The following CTNNA3 variants were observed in gnomAD, a reference collection of about 807,000 sequenced individuals.
CTNNA3 encodes the protein catenin alpha 3, also known as catenin alpha-3.
A neutral mutation model predicts 95.7 loss-of-function variants in CTNNA3; 76 were observed. The ratio of observed to expected loss-of-function variants is 0.79; its 90% CI spans 0.66 to 0.96. The LOEUF (loss-of-function observed/expected upper bound fraction) is 0.96, where lower values mean the gene tolerates loss of function less well. Among genes scored for constraint, CTNNA3 ranks in the 40% least tolerant of loss-of-function variants. The probability of loss-of-function intolerance (pLI) is 0.00; values close to 1 mark genes in which losing one functional copy is unlikely to be tolerated. For synonymous variants in CTNNA3, 431 were observed against 374.4 expected (o/e 1.15, Z -1.74); for missense variants, 1,191 against 1,089.8 (o/e 1.09, Z -1.31).
At chr10:67,726,429 T>TTTGGC (rs1841220510) in intron 1 of CTNNA3, among the ~76,000 whole-genome samples, 1 of 5,086 alleles carries the variant, frequency 2.0e-4, no homozygotes, top group Non-Finnish European at 3.4e-4. Flanking sequence ...TTATATATTA[T>TTTGGC]ATCATATATA....
At chr10:67,347,511 C>T (rs577290452) in intron 5 of CTNNA3, among the ~76,000 whole-genome samples, 9 of 152,068 alleles carry the variant, frequency 5.9e-5, no homozygotes, top group South Asian at 4.1e-4. Flanking sequence ...CACTCTGTGC[C>T]GTGTACTACT....
intron 7 of CTNNA3, among the ~76,000 whole-genome samples, chr10:67,048,406 C>T (rs894583485): frequency 1.3e-5 from 2 of 152,050 alleles, no homozygotes; most frequent in Non-Finnish European, 2.9e-5. Context: ...CCAAGGAAAC[C>T]TCTTACTGTT....
chr10:66,277,631 C>T (rs907046660), intron 13 of CTNNA3, among the ~76,000 whole-genome samples: 12 of 151,970 alleles, frequency 7.9e-5, no homozygotes, highest in Admixed American at 3.9e-4. Flanking sequence ...CGATTAAGTC[C>T]ATAAGTTTAT....
intron 10 of CTNNA3, among the ~76,000 whole-genome samples, chr10:66,579,298 T>G (rs1435945909): frequency 2.0e-5 from 3 of 151,848 alleles, no homozygotes; most frequent in Non-Finnish European, 4.4e-5. Flanking sequence ...ATAGCTCAGT[T>G]GCATTACAAA....
At chr10:67,074,330 GC>G (rs903304760) in intron 7 of CTNNA3, among the ~76,000 whole-genome samples, 1 of 131,662 alleles carries the variant, frequency 7.6e-6, no homozygotes, top group Non-Finnish European at 1.6e-5. Flanking sequence ...GTGCCCAGCT[GC>G]CACTTTAACT....
intron 7 of CTNNA3, among the ~76,000 whole-genome samples, chr10:67,067,249 G>C (rs1186704803): frequency 6.6e-6 from 1 of 152,076 alleles, no homozygotes; most frequent in African/African-American, 2.4e-5. Context: ...TTATATATTT[G>C]TCTGTTCGTA....
At chr10:67,048,486 T>C (rs1229365622) in intron 7 of CTNNA3, among the ~76,000 whole-genome samples, 1 of 152,042 alleles carries the variant, frequency 6.6e-6, no homozygotes, top group African/African-American at 2.4e-5. Flanking sequence ...ATATGCAAAA[T>C]AGGAATACAG....
intron 16 of CTNNA3, among the ~76,000 whole-genome samples, chr10:65,974,811 T>C (rs2078180605): frequency 6.6e-6 from 1 of 152,140 alleles, no homozygotes; most frequent in Non-Finnish European, 1.5e-5. Flanking sequence ...AAGAAATATA[T>C]GACAATCATC....
chr10:66,685,206 C>CACATATATATATACGT (rs547429895), intron 9 of CTNNA3, among the ~76,000 whole-genome samples: 2 of 116,898 alleles, frequency 1.7e-5, no homozygotes, highest in South Asian at 5.7e-4. Flanking sequence ...TATATATATA[C>CACATATATATATACGT]GTATATATAT....
At chr10:67,006,171 A>G (rs138989770) in intron 7 of CTNNA3, among the ~76,000 whole-genome samples, 120 of 152,280 alleles carry the variant, frequency 7.9e-4, no homozygotes, top group African/African-American at 2.8e-3. Flanking sequence ...GCTGAGTTGC[A>G]TAAAGTGAAG....
intron 9 of CTNNA3, among the ~76,000 whole-genome samples, chr10:66,675,039 C>A (rs7909676): frequency 0.55 from 84,066 of 151,810 alleles, 24,002 homozygotes; most frequent in African/African-American, 0.68. Flanking sequence ...TAGAGGGCCT[C>A]TTGTGTGATT....
rs376062146 is a variant in CTNNA3, at chr10:67,155,730, T to G, written c.1047+24587A>C. 5.0e-3 allele frequency among the ~76,000 whole-genome samples: 766 copies of G among 152,292 alleles called. 4 individuals carry two copies. Among genetic ancestry groups the G allele is most frequent in the African/African-American group, 0.017 (727 of 41,566 alleles). On this transcript the variant is annotated intron_variant, in intron 7 of 17. Transcript: ENST00000433211. Reference sequence around the variant, plus strand: ...TTTTCTAGCATAAAGTAAAACTTACTAAGTTTGGCATCCTGCATTGGTGGT... The same window carrying G: ...TTTTCTAGCATAAAGTAAAACTTACGAAGTTTGGCATCCTGCATTGGTGGT...
At chr10:66,235,654 A>C (rs1345893997) in intron 13 of CTNNA3, among the ~76,000 whole-genome samples, 1 of 152,124 alleles carries the variant, frequency 6.6e-6, no homozygotes. Context: ...TAGTTTGGTC[A>C]CATATTTAGT....
chr10:66,442,611 A>G (rs572925056), intron 11 of CTNNA3, among the ~76,000 whole-genome samples: 1 of 152,324 alleles, frequency 6.6e-6, no homozygotes, highest in African/African-American at 2.4e-5. Flanking sequence ...TAGAAAAAAA[A>G]TAGCTTTATT....
At chr10:66,491,619 C>T (rs1464537526) in intron 11 of CTNNA3, among the ~76,000 whole-genome samples, 3 of 152,124 alleles carry the variant, frequency 2.0e-5, no homozygotes, top group Non-Finnish European at 2.9e-5. Context: ...CTTTTGCCTG[C>T]TCTTTTGGTA....
At chr10:66,740,763 T>C (rs1021111574) in intron 9 of CTNNA3, among the ~76,000 whole-genome samples, 1 of 152,240 alleles carries the variant, frequency 6.6e-6, no homozygotes, top group African/African-American at 2.4e-5. Flanking sequence ...ATAAGTATGA[T>C]TAAATTCCAC....
chr10:66,346,268 GAGAGAGAGAGAGAGAGAGAA>G (rs1564885708), intron 12 of CTNNA3, among the ~76,000 whole-genome samples: 16 of 135,048 alleles, frequency 1.2e-4, no homozygotes, highest in African/African-American at 3.7e-4. Flanking sequence ...GAGAGAGAGA[GAGAGAGAGAGAGAGAGAGAA>G]AGAGAGACAG....
In CTNNA3 at chr10:67,446,166, G is replaced by A. The variant is rs12266867; in HGVS notation, c.579+75676C>T. Reference sequence around the variant, plus strand: ...GTATTTTGAACCGAATCAGTCATTTGTGAGCTTTGTACATCTCCTCATTTA... The same window carrying A: ...GTATTTTGAACCGAATCAGTCATTTATGAGCTTTGTACATCTCCTCATTTA... On this transcript the variant is annotated intron_variant, in intron 5 of 17. Transcript: ENST00000433211. Among the ~76,000 whole-genome samples the A allele has an allele frequency of 6.8e-3, 1,042 of 152,212 alleles. 10 individuals are homozygous for A. The highest frequency in any genetic ancestry group is 0.024 in the African/African-American group (991 of 41,522).
chr10:67,248,331 G>GT (rs1424399265), intron 5 of CTNNA3, among the ~76,000 whole-genome samples: 2 of 152,092 alleles, frequency 1.3e-5, no homozygotes, highest in Non-Finnish European at 2.9e-5. Flanking sequence ...GTGAGACCCT[G>GT]TGTCAAAGAA....
Sources: gnomAD v4.1 joint callset for allele counts (sites outside exome capture counted in the v4.1 genomes callset) on GRCh38, gnomAD v4.1.1 for gene constraint, MANE v1.5 for transcripts, NCBI Gene and HGNC (gene_info 2026-07-23, HGNC 2026-07-21) for gene names.